The following MSI2 variants were observed in gnomAD, a reference collection of about 807,000 sequenced individuals.
MSI2 encodes RNA-binding protein Musashi homolog 2.
In MSI2, 17 loss-of-function variants were observed where a neutral mutation model predicts 45.6. That is an observed-to-expected ratio of 0.37 (90% CI 0.26 to 0.56). The LOEUF (loss-of-function observed/expected upper bound fraction) is 0.56, where lower values mean the gene tolerates loss of function less well. Ranked by LOEUF, MSI2 falls within the 20% of genes least tolerant of loss-of-function variation. MSI2 has a pLI of 0.77. For missense variants in MSI2, 293 were observed against 444.2 expected (o/e 0.66, Z 3.06); for synonymous variants, 156 against 158.2 (o/e 0.99, Z 0.11).
intron 5 of MSI2, among the ~76,000 whole-genome samples, chr17:57,381,920 A>G (rs534552040): frequency 3.3e-5 from 5 of 152,356 alleles, no homozygotes; most frequent in East Asian, 3.9e-4. Context: ...TCAATAGACT[A>G]TATACTTGAG....
At chr17:57,659,841 G>C (rs760157760) in intron 11 of MSI2, among the ~76,000 whole-genome samples, 2 of 152,240 alleles carry the variant, frequency 1.3e-5, no homozygotes, top group Non-Finnish European at 2.9e-5. Context: ...CTCATAGTCT[G>C]ATCTTTCAGA....
chr17:57,600,766 A>ACACC (rs1167413546), intron 8 of MSI2: 1 of 152,088 alleles, frequency 6.6e-6, no homozygotes, highest in Non-Finnish European at 1.5e-5. Context: ...ACCCCACATG[A>ACACC]CACCCTTTCA....
chr17:57,530,432 A>G (rs9908229), intron 7 of MSI2, among the ~76,000 whole-genome samples: 5,282 of 152,316 alleles, frequency 0.035, 281 homozygotes, highest in African/African-American at 0.12. Flanking sequence ...CCCAAAAAGA[A>G]CACATTAAAT....
intron 5 of MSI2, chr17:57,264,581 T>C (rs995479398): frequency 3.3e-5 from 5 of 152,244 alleles, no homozygotes; most frequent in African/African-American, 1.2e-4. Context: ...TGAGTAATAA[T>C]AATGATACTA....
intron 7 of MSI2, among the ~76,000 whole-genome samples, chr17:57,587,912 C>G (rs1414106172): frequency 6.6e-6 from 1 of 152,112 alleles, no homozygotes; most frequent in African/African-American, 2.4e-5. Flanking sequence ...GGTCACATTC[C>G]TTCATTTTCT....
intron 8 of MSI2, among the ~76,000 whole-genome samples, chr17:57,608,984 G>T (rs936675203): frequency 6.6e-6 from 1 of 152,234 alleles, no homozygotes; most frequent in Non-Finnish European, 1.5e-5. Flanking sequence ...GGAGGGCTGT[G>T]CAGGGAGGTA....
intron 8 of MSI2, among the ~76,000 whole-genome samples, chr17:57,609,418 G>A (rs564966250): frequency 2.6e-5 from 4 of 152,294 alleles, no homozygotes; most frequent in East Asian, 1.9e-4. Flanking sequence ...TTTATCCATC[G>A]AAATAGGCCT....
At chr17:57,347,805 C>A (rs186449930) in intron 5 of MSI2, among the ~76,000 whole-genome samples, 1 of 152,158 alleles carries the variant, frequency 6.6e-6, no homozygotes, top group Non-Finnish European at 1.5e-5. Context: ...GTCATTTCAG[C>A]GATCCTTCAG....
chr17:57,366,000 C>T (rs1464174660), intron 5 of MSI2, among the ~76,000 whole-genome samples: 1 of 152,112 alleles, frequency 6.6e-6, no homozygotes, highest in Non-Finnish European at 1.5e-5. Flanking sequence ...GCAACTTCTG[C>T]CTCCCCCGGA....
At chr17:57,436,348 A>G (rs1334319391) in intron 6 of MSI2, among the ~76,000 whole-genome samples, 1 of 152,270 alleles carries the variant, frequency 6.6e-6, no homozygotes, top group Non-Finnish European at 1.5e-5. Context: ...ATATGCACTC[A>G]GTAAATATCT....
intron 10 of MSI2, chr17:57,628,733 G>C (rs756054136): frequency 2.6e-5 from 4 of 152,598 alleles, no homozygotes; most frequent in Non-Finnish European, 4.4e-5. Flanking sequence ...GTGTCCCCTG[G>C]GGCTGGGATG....
Position 57,627,745 on chromosome 17 carries a change from C to A in MSI2, c.727+442C>A. 4.7e-6 allele frequency: 1 copy of A among 213,818 alleles called. No homozygotes were observed. The allele number at this position is 213,818 out of a possible 1,614,324, so 13.2% of individuals were successfully genotyped here. Reference sequence around the variant, plus strand: ...TTGCTTCCTTTCCTCCACCCCTCCTCCTCCTGCTCCGTCCTGACTGCTGTG... The same window carrying A: ...TTGCTTCCTTTCCTCCACCCCTCCTACTCCTGCTCCGTCCTGACTGCTGTG... On this transcript the variant is annotated intron_variant, in intron 10 of 13. Transcript: ENST00000284073. The surrounding 1 kb of genome is among the most constrained non-coding windows in gnomAD (Gnocchi z 4.6).
At chr17:57,474,681 T>C (rs2085504157) in intron 6 of MSI2, among the ~76,000 whole-genome samples, 1 of 149,880 alleles carries the variant, frequency 6.7e-6, no homozygotes, top group Non-Finnish European at 1.5e-5. Flanking sequence ...GGAATATGAC[T>C]TTGTGTACTG....
chr17:57,615,202 A>C (rs1285818714), intron 8 of MSI2, among the ~76,000 whole-genome samples: 2 of 147,686 alleles, frequency 1.4e-5, no homozygotes, highest in Admixed American at 1.4e-4. Flanking sequence ...ATCATGGCTC[A>C]CTGCAGCCTT....
At chr17:57,632,184 A>C (rs912142230) in intron 10 of MSI2, 1 of 1,162,860 alleles carries the variant, frequency 8.6e-7, no homozygotes, top group Non-Finnish European at 1.1e-6. Context: ...TTAAGTCATG[A>C]CCAAACAGGC....
chr17:57,557,922 T>C (rs1422508109), intron 7 of MSI2, among the ~76,000 whole-genome samples: 2 of 152,124 alleles, frequency 1.3e-5, no homozygotes, highest in East Asian at 3.9e-4. Context: ...GAAAGAAGCG[T>C]CATCTCCTTG....
chr17:57,376,445 C>G (rs774366834), intron 5 of MSI2, among the ~76,000 whole-genome samples: 1 of 152,188 alleles, frequency 6.6e-6, no homozygotes, highest in Non-Finnish European at 1.5e-5. Context: ...TTGCTCAAAT[C>G]CCTTCTCGCC....
chr17:57,553,430 T>C (rs998861684), intron 7 of MSI2, among the ~76,000 whole-genome samples: 2 of 152,166 alleles, frequency 1.3e-5, no homozygotes, highest in Non-Finnish European at 2.9e-5. Flanking sequence ...GTTTATTTGG[T>C]GGGAGGGGGA....
chr17:57,697,795 G>A, the MSI2 span, among the ~76,000 whole-genome samples: 350 of 152,154 alleles, frequency 2.3e-3, 3 homozygotes, highest in African/African-American at 5.3e-3. Context: ...AGAACAGTAC[G>A]GGGGAAACCG....
Sources: gnomAD v4.1 joint callset for allele counts (sites outside exome capture counted in the v4.1 genomes callset) on GRCh38, gnomAD v4.1.1 for gene constraint, Gnocchi (gnomAD v3.1) non-coding constraint, MANE v1.5 for transcripts, NCBI Gene and HGNC (gene_info 2026-07-23, HGNC 2026-07-21) for gene names.